ASTN2: variants seen among roughly 807,000 people sequenced by gnomAD.
ASTN2 encodes astrotactin-2.
A neutral mutation model predicts 139.8 loss-of-function variants in ASTN2; 54 were observed. That is an observed-to-expected ratio of 0.39 (90% CI 0.31 to 0.48). The LOEUF (loss-of-function observed/expected upper bound fraction) is 0.48. Ranked by LOEUF, ASTN2 falls within the 20% of genes least tolerant of loss-of-function variation. ASTN2 has a pLI of 0.95. For missense variants in ASTN2, 1,565 were observed against 1,725.1 expected, an observed-to-expected ratio of 0.91 and a Z score of 1.64; for synonymous variants, 756 against 719.5, an observed-to-expected ratio of 1.05 and a Z score of -0.81.
chr9:116,656,367 A>T (rs1588148563), intron 16 of ASTN2, among the ~76,000 whole-genome samples: 1 of 152,202 alleles, frequency 6.6e-6, no homozygotes, highest in Non-Finnish European at 1.5e-5. Context: ...AGGTCAACAG[A>T]TGAATAGCTG....
chr9:116,713,350 G>A (rs933265059), intron 16 of ASTN2, among the ~76,000 whole-genome samples: 13 of 152,058 alleles, frequency 8.5e-5, no homozygotes, highest in Admixed American at 3.3e-4. Context: ...GAAAGCCTGG[G>A]GCCTAGGGCT....
intron 13 of ASTN2, among the ~76,000 whole-genome samples, chr9:116,753,240 G>A (rs1389651103): frequency 1.3e-5 from 2 of 152,212 alleles, no homozygotes; most frequent in Non-Finnish European, 2.9e-5. Flanking sequence ...CTACAGGAAA[G>A]GAGCCAGTCT....
intron 2 of ASTN2, 126 bp downstream of exon 2, chr9:117,291,200 C>T: frequency 8.1e-7 from 1 of 1,239,140 alleles, no homozygotes; most frequent in Non-Finnish European, 1.1e-6. Context: ...TTTTCTGTTT[C>T]TCATTCTAAC....
intron 19 of ASTN2, among the ~76,000 whole-genome samples, chr9:116,560,227 A>G (rs61520570): frequency 2.6e-5 from 4 of 152,020 alleles, no homozygotes; most frequent in Non-Finnish European, 4.4e-5. Flanking sequence ...TCTCCACATA[A>G]CAGCCCAGTG....
At chr9:117,036,055 C>T (rs1182341502) in intron 6 of ASTN2, among the ~76,000 whole-genome samples, 1 of 152,158 alleles carries the variant, frequency 6.6e-6, no homozygotes, top group African/African-American at 2.4e-5. Context: ...CTACTAGGCA[C>T]TTTATACACA....
At chr9:116,577,595 G>C (rs1388572232) in intron 19 of ASTN2, among the ~76,000 whole-genome samples, 1 of 152,084 alleles carries the variant, frequency 6.6e-6, no homozygotes, top group Non-Finnish European at 1.5e-5. Context: ...ATGAGCACTG[G>C]GTCTATGAAA....
At chr9:117,344,065 G>A (rs995875565) in intron 1 of ASTN2, among the ~76,000 whole-genome samples, 5 of 151,956 alleles carry the variant, frequency 3.3e-5, no homozygotes, top group Non-Finnish European at 7.4e-5. Flanking sequence ...CATCTCCCAA[G>A]GTGGCCCCAT....
intron 19 of ASTN2, among the ~76,000 whole-genome samples, chr9:116,614,837 C>G (rs1027846646): frequency 6.6e-6 from 1 of 152,192 alleles, no homozygotes; most frequent in Non-Finnish European, 1.5e-5. Context: ...ACTAAAGCAC[C>G]AAAAGCAATG....
At chr9:117,369,996 C>A (rs746996798) in intron 1 of ASTN2, among the ~76,000 whole-genome samples, 13 of 152,082 alleles carry the variant, frequency 8.5e-5, no homozygotes, top group Admixed American at 2.0e-4. Context: ...AGTTAACAAG[C>A]GATGAGCGGG....
chr9:116,592,448 G>A (rs1052984905), intron 19 of ASTN2, among the ~76,000 whole-genome samples: 2 of 151,974 alleles, frequency 1.3e-5, no homozygotes, highest in African/African-American at 4.8e-5. Flanking sequence ...AGCCACAAAG[G>A]GGAAATGCTC....
chr9:117,325,775 T>C (rs998275327), intron 1 of ASTN2, among the ~76,000 whole-genome samples: 1 of 150,838 alleles, frequency 6.6e-6, no homozygotes, highest in African/African-American at 2.4e-5. Flanking sequence ...GGAAAAGGAG[T>C]GAGGTGAACA....
At chr9:116,952,154 C>G (rs2132488040) in intron 10 of ASTN2, among the ~76,000 whole-genome samples, 1 of 152,276 alleles carries the variant, frequency 6.6e-6, no homozygotes, top group South Asian at 2.1e-4. Flanking sequence ...CTAGTGAGCA[C>G]TTGACATGAT....
At chr9:117,304,541 C>A (rs1177544731) in intron 1 of ASTN2, among the ~76,000 whole-genome samples, 1 of 152,176 alleles carries the variant, frequency 6.6e-6, no homozygotes, top group African/African-American at 2.4e-5. Context: ...TTTCCCTCAG[C>A]CCCTCCTCCT....
chr9:116,921,252 C>G (rs1171575218), intron 10 of ASTN2, among the ~76,000 whole-genome samples: 1 of 152,154 alleles, frequency 6.6e-6, no homozygotes, highest in Non-Finnish European at 1.5e-5. Flanking sequence ...ATGATCCAAT[C>G]ACCTTCCACC....
intron 2 of ASTN2, among the ~76,000 whole-genome samples, chr9:117,232,962 T>C (rs1351239336): frequency 6.6e-6 from 1 of 152,090 alleles, no homozygotes; most frequent in African/African-American, 2.4e-5. Flanking sequence ...CTGTTGTTCC[T>C]TCCTTCTGCT....
At chr9:116,925,783 T>C (rs1200044649) in intron 10 of ASTN2, among the ~76,000 whole-genome samples, 1 of 151,990 alleles carries the variant, frequency 6.6e-6, no homozygotes, top group Admixed American at 6.6e-5. Flanking sequence ...CTTCCTGATG[T>C]TCAGCTTAGA....
intron 19 of ASTN2, among the ~76,000 whole-genome samples, chr9:116,573,426 G>A (rs1218391913): frequency 6.6e-6 from 1 of 152,156 alleles, no homozygotes; most frequent in Non-Finnish European, 1.5e-5. Context: ...GGATATCTCA[G>A]AGCCTTTAAT....
At chr9:117,156,644 A>T (rs972853446) in intron 3 of ASTN2, among the ~76,000 whole-genome samples, 1 of 152,012 alleles carries the variant, frequency 6.6e-6, no homozygotes, top group Non-Finnish European at 1.5e-5. Flanking sequence ...AAAGAAGACC[A>T]TGAAGAGGTG....
intron 5 of ASTN2, among the ~76,000 whole-genome samples, chr9:117,079,991 C>T (rs529286349): frequency 2.0e-4 from 31 of 152,338 alleles, no homozygotes; most frequent in Middle Eastern, 3.4e-3. Context: ...CTGAGAAAAT[C>T]GTGGGTTGGT....
Sources: gnomAD v4.1 joint callset for allele counts (sites outside exome capture counted in the v4.1 genomes callset) on GRCh38, gnomAD v4.1.1 for gene constraint, MANE v1.5 for transcripts, NCBI Gene and HGNC (gene_info 2026-07-23, HGNC 2026-07-21) for gene names.